RIMS1: variants seen among roughly 807,000 people sequenced by gnomAD.
RIMS1 encodes regulating synaptic membrane exocytosis protein 1.
In RIMS1, 83 loss-of-function variants were observed where a neutral mutation model predicts 214.1. The ratio of observed to expected loss-of-function variants is 0.39; its 90% CI spans 0.32 to 0.47. The LOEUF is 0.47. Ranked by LOEUF, RIMS1 falls within the 20% of genes least tolerant of loss-of-function variation. The pLI is 0.99. For missense variants in RIMS1, 2,050 were observed against 2,161.8 expected, an observed-to-expected ratio of 0.95 and a Z score of 1.03; for synonymous variants, 793 against 786.8, an observed-to-expected ratio of 1.01 and a Z score of -0.13.
chr6:72,262,639 A>G (rs2078563088), intron 19 of RIMS1: 1 of 902,168 alleles, frequency 1.1e-6, no homozygotes, highest in Non-Finnish European at 1.3e-6. Flanking sequence ...TCATGTATTT[A>G]TAAAAACATT....
intron 1 of RIMS1, among the ~76,000 whole-genome samples, chr6:71,909,212 G>T (rs1184598701): frequency 2.0e-5 from 3 of 152,128 alleles, no homozygotes; most frequent in African/African-American, 7.2e-5. Flanking sequence ...GGCCAGGCTG[G>T]TCTCAAACTC....
chr6:71,988,820 T>C (rs1800755594), intron 2 of RIMS1, among the ~76,000 whole-genome samples: 1 of 152,174 alleles, frequency 6.6e-6, no homozygotes, highest in South Asian at 2.1e-4. Flanking sequence ...TTAGAAAACA[T>C]AGGAATGGGA....
chr6:72,024,330 A>G (rs1815664235), intron 2 of RIMS1, among the ~76,000 whole-genome samples: 2 of 152,062 alleles, frequency 1.3e-5, no homozygotes. Context: ...ATGCACTCCT[A>G]CTTCTGAATC....
Position 71,920,434 on chromosome 6 carries a change from T to C in RIMS1, c.164+33247T>C, listed in dbSNP as rs1366129476. 2.0e-5 allele frequency among the ~76,000 whole-genome samples: 3 copies of C among 152,182 alleles called. No homozygotes were observed. The East Asian group carries it at 5.8e-4, about 29-fold the overall frequency. On this transcript the variant is annotated intron_variant, in intron 1 of 33. Transcript: ENST00000521978. Reference sequence around the variant, plus strand: ...TCTCTTTACTATCTTTATAACTTTTTCGTAAACCTAAAATTATTACAAAAT... The same window carrying C: ...TCTCTTTACTATCTTTATAACTTTTCCGTAAACCTAAAATTATTACAAAAT...
intron 6 of RIMS1, among the ~76,000 whole-genome samples, chr6:72,209,547 C>T (rs958181375): frequency 1.1e-4 from 17 of 152,132 alleles, no homozygotes; most frequent in African/African-American, 3.9e-4. Flanking sequence ...TGTATGCAAT[C>T]GGAATTTACT....
intron 4 of RIMS1, among the ~76,000 whole-genome samples, chr6:72,144,202 G>A (rs2153887901): frequency 6.6e-6 from 1 of 152,320 alleles, no homozygotes; most frequent in East Asian, 1.9e-4. Flanking sequence ...TAACAAAGTA[G>A]TGTACTTTAA....
intron 28 of RIMS1, among the ~76,000 whole-genome samples, chr6:72,331,562 C>A (rs1048008096): frequency 1.3e-5 from 2 of 151,694 alleles, no homozygotes; most frequent in African/African-American, 4.8e-5. Context: ...GATAGAGTAG[C>A]CTTAAGGATG....
At chr6:72,209,900 C>CA (rs200401100) in intron 6 of RIMS1, among the ~76,000 whole-genome samples, 14,744 of 112,978 alleles carry the variant, frequency 0.13, 1,426 homozygotes, top group Non-Finnish European at 0.21. Context: ...GACTCTGTCT[C>CA]AAAAAAAAAA....
intron 1 of RIMS1, among the ~76,000 whole-genome samples, chr6:71,896,640 A>C (rs1165583681): frequency 1.3e-5 from 2 of 152,196 alleles, no homozygotes; most frequent in Non-Finnish European, 2.9e-5. Context: ...TGACATACGC[A>C]CTTTGGGAAA....
At chr6:72,275,355 T>A (rs1021116102) in intron 23 of RIMS1, among the ~76,000 whole-genome samples, 5 of 151,704 alleles carry the variant, frequency 3.3e-5, no homozygotes, top group Admixed American at 3.3e-4. Flanking sequence ...TGTACAGATT[T>A]TTTTTAGTGT....
At chr6:71,895,285 G>T (rs1441581121) in intron 1 of RIMS1, among the ~76,000 whole-genome samples, 6 of 152,160 alleles carry the variant, frequency 3.9e-5, no homozygotes, top group African/African-American at 9.7e-5. Context: ...TTAATCTCAA[G>T]AATATATTTT....
At chr6:71,933,764 T>C (rs144113021) in intron 1 of RIMS1, among the ~76,000 whole-genome samples, 2 of 151,994 alleles carry the variant, frequency 1.3e-5, no homozygotes, top group East Asian at 1.9e-4. Flanking sequence ...AAGAGTTTCA[T>C]AGGACTTTCT....
chr6:72,064,933 C>T (rs1828903207), intron 2 of RIMS1, among the ~76,000 whole-genome samples: 1 of 152,116 alleles, frequency 6.6e-6, no homozygotes, highest in South Asian at 2.1e-4. Flanking sequence ...CTGTAACAGG[C>T]GTGGTGTATA....
intron 22 of RIMS1, among the ~76,000 whole-genome samples, chr6:72,267,177 A>T (rs939187816): frequency 6.6e-6 from 1 of 152,152 alleles, no homozygotes; most frequent in African/African-American, 2.4e-5. Flanking sequence ...AGTTGAAAGG[A>T]CTATAGAGTC....
chr6:72,238,085 T>C (rs1240399540), intron 9 of RIMS1, among the ~76,000 whole-genome samples, 163 bp downstream of exon 9: 1 of 152,046 alleles, frequency 6.6e-6, no homozygotes, highest in Admixed American at 6.6e-5. Context: ...TAAAGACTTA[T>C]TTCCTGATAT....
At chr6:72,085,821 A>C (rs1308623631) in intron 2 of RIMS1, among the ~76,000 whole-genome samples, 2 of 152,128 alleles carry the variant, frequency 1.3e-5, no homozygotes, top group African/African-American at 4.8e-5. Flanking sequence ...CAAAGCAATA[A>C]CTTTCCGTTC....
At chr6:72,156,193 C>A in intron 4 of RIMS1, 1 of 168,908 alleles carries the variant, frequency 5.9e-6, no homozygotes, top group East Asian at 1.7e-4. Context: ...GTGTTATTCA[C>A]AATAACCAAG....
At chr6:72,358,358 T>A (rs2097713750) in intron 29 of RIMS1, among the ~76,000 whole-genome samples, 1 of 152,272 alleles carries the variant, frequency 6.6e-6, no homozygotes, top group African/African-American at 2.4e-5. Context: ...TTTAAGTGAG[T>A]ACTTTTCTCT....
chr6:71,994,501 CTT>C (rs1417458199), intron 2 of RIMS1, among the ~76,000 whole-genome samples: 1 of 152,068 alleles, frequency 6.6e-6, no homozygotes, highest in Admixed American at 6.6e-5. Context: ...TAAGAGCACT[CTT>C]TAGACAAGTC....
Sources: allele counts gnomAD v4.1 joint callset (sites outside exome capture counted in the v4.1 genomes callset), GRCh38; gene constraint gnomAD v4.1.1; transcripts MANE v1.5; gene names NCBI Gene and HGNC (gene_info 2026-07-23, HGNC 2026-07-21).